NSL1: variants seen among roughly 807,000 people sequenced by gnomAD.
The protein encoded by NSL1 is kinetochore-associated protein NSL1 homolog.
NSL1 carries 11 observed loss-of-function variants against 25.4 expected under a neutral mutation model. That is an observed-to-expected ratio of 0.43 (90% confidence interval 0.27 to 0.72). NSL1 has a LOEUF of 0.72. NSL1 is among the 30% of genes least tolerant of loss of function. NSL1 has a pLI of 0.19. For synonymous variants in NSL1, 118 were observed against 120.6 expected (o/e 0.98, Z 0.14); for missense variants, 330 against 342.7 (o/e 0.96, Z 0.29).
chr1:212,727,762 A>G lies in NSL1; in HGVS notation c.*10646T>C, dbSNP rs986273173. 2 of 984,150 alleles carry G rather than the reference A, an allele frequency of 2.0e-6. No homozygotes were observed. The highest frequency in any genetic ancestry group is 1.2e-4 in the Admixed American group (2 of 16,278). 61.0% of individuals were successfully genotyped at this position (984,150 alleles called of 1,614,324 possible). On this transcript the variant is annotated 3_prime_UTR_variant, in exon 6 of 6. Transcript: ENST00000366977. ...ACAGCAAAAGTTCATATTTAACCTC[A>G]TTAAGATAATAAATTGCTTTAAACA...
chr1:212,782,133 G>C, intron 4 of NSL1: 1 of 706,360 alleles, frequency 1.4e-6, no homozygotes, highest in Non-Finnish European at 2.7e-6. Flanking sequence ...AATAGTCTGG[G>C]TCAGGCAAGA....
chr1:212,749,642 C>A (rs1027734298), intron 4 of NSL1, among the ~76,000 whole-genome samples: 1 of 151,998 alleles, frequency 6.6e-6, no homozygotes, highest in Non-Finnish European at 1.5e-5. Flanking sequence ...ATTTGTGAAG[C>A]CTCTCACTAG....
At position 212,727,126 on chromosome 1, in the gene NSL1, C is replaced by A. The variant is rs764288436; in HGVS notation, c.*11282G>T. On this transcript the variant is annotated 3_prime_UTR_variant, in exon 6 of 6. Coordinates refer to ENST00000366977, the MANE Select transcript of NSL1 (RefSeq NM_015471.4). ...CAGAGGCAGAAGGGATGAAGGTTCC[C>A]CGATCCCCTTCTCTCCTAAACTGCC... 1 of 1,569,950 alleles carries A rather than the reference C, an allele frequency of 6.4e-7. No individual in the cohort carries two copies. The highest frequency in any genetic ancestry group is 8.6e-7 in the Non-Finnish European group (1 of 1,157,918).
chr1:212,786,689 T>G (rs1475601654), intron 2 of NSL1, among the ~76,000 whole-genome samples: 3 of 150,624 alleles, frequency 2.0e-5, no homozygotes, highest in African/African-American at 7.3e-5. Context: ...GCACCTGTGA[T>G]TCCAGCTACT....
At chr1:212,755,774 T>C (rs1279358437) in intron 4 of NSL1, among the ~76,000 whole-genome samples, 2 of 151,218 alleles carry the variant, frequency 1.3e-5, no homozygotes, top group Non-Finnish European at 2.9e-5. Flanking sequence ...TATATATCTA[T>C]ATGTAATTAT....
chr1:212,781,560 A>G (rs1168862629), intron 4 of NSL1, among the ~76,000 whole-genome samples: 1 of 152,162 alleles, frequency 6.6e-6, no homozygotes, highest in Non-Finnish European at 1.5e-5. Context: ...AGTTTATCCC[A>G]TTAGCTTAGG....
intron 2 of NSL1, among the ~76,000 whole-genome samples, chr1:212,785,340 T>C (rs1427138378): frequency 6.6e-6 from 1 of 151,926 alleles, no homozygotes; most frequent in African/African-American, 2.4e-5. Context: ...ATGTTAGGAG[T>C]ACAGATTTTT....
In NSL1 at chr1:212,773,050, G is replaced by C. The variant is rs755126381; in HGVS notation, c.499+9322C>G. ...ATCATAGAAAAATCAGCTCAAGACGGATTAATGACTTAAACATAATACCCA... is the reference window on the plus strand; with the variant it reads ...ATCATAGAAAAATCAGCTCAAGACGCATTAATGACTTAAACATAATACCCA... On this transcript the variant is annotated intron_variant, in intron 4 of 5. Transcript: ENST00000366977. 3.9e-5 allele frequency among the ~76,000 whole-genome samples: 6 copies of C among 152,156 alleles called. No homozygotes were observed. In the South Asian group the frequency reaches 1.2e-3, roughly 32 times the overall value.
intron 4 of NSL1, among the ~76,000 whole-genome samples, chr1:212,746,042 C>T (rs567886694): frequency 1.3e-5 from 2 of 152,302 alleles, no homozygotes; most frequent in South Asian, 2.1e-4. Flanking sequence ...TACGAAACTG[C>T]TAACAGTGTT....
chr1:212,788,065 G>A (rs1164577231), intron 1 of NSL1, among the ~76,000 whole-genome samples: 1 of 152,182 alleles, frequency 6.6e-6, no homozygotes, highest in Admixed American at 6.5e-5. Context: ...GTATTTTTGA[G>A]AGATGAACAC....
chr1:212,775,207 A>G (rs1171172518), intron 4 of NSL1, among the ~76,000 whole-genome samples: 2 of 152,238 alleles, frequency 1.3e-5, no homozygotes, highest in Non-Finnish European at 2.9e-5. Context: ...GTCTATAGAG[A>G]TAGAAAGTAC....
At chr1:212,784,742 ACTCT>A (rs578152719) in intron 2 of NSL1, among the ~76,000 whole-genome samples, 42 of 152,190 alleles carry the variant, frequency 2.8e-4, no homozygotes, top group Non-Finnish European at 6.0e-4. Flanking sequence ...CATGATTCCT[ACTCT>A]CTAAGAGTTC....
chr1:212,782,651 C>T (rs1332076264), intron 3 of NSL1, among the ~76,000 whole-genome samples: 1 of 152,012 alleles, frequency 6.6e-6, no homozygotes, highest in Non-Finnish European at 1.5e-5. Flanking sequence ...TAAGAAGTGG[C>T]ACCATAAAAA....
In NSL1 at chr1:212,730,369, C is replaced by CA. The variant is rs1657969127; in HGVS notation, c.*8038dup. The CA allele has an allele frequency of 2.0e-6, 2 of 984,646 alleles. No individual in the cohort carries two copies. The allele number at this position is 984,646 out of a possible 1,614,324, so 61.0% of individuals were successfully genotyped here. A position where few individuals can be genotyped will look rare whatever the true frequency, so the allele number is the denominator to read the frequency against. ...GGGGCAGAAATGGACAAAAGAACTC[C>CA]AATGACATCATTGTAGAAGATGTGG... On this transcript the variant is annotated 3_prime_UTR_variant, in exon 6 of 6. Transcript: ENST00000366977.
chr1:212,774,178 G>A (rs10863997), intron 4 of NSL1, among the ~76,000 whole-genome samples: 27,212 of 152,012 alleles, frequency 0.18, 2,758 homozygotes, highest in African/African-American at 0.28. Flanking sequence ...GTGCTTGATA[G>A]CACAGTAAGG....
Position 212,791,526 on chromosome 1 carries a change from G to A in NSL1, c.234+4C>T. 6.2e-7 allele frequency: 1 copy of A among 1,611,682 alleles called. No individual in the cohort carries two copies. Among genetic ancestry groups the A allele is most frequent in the Non-Finnish European group, 8.5e-7 (1 of 1,178,520 alleles). The stretch of plus-strand genomic sequence containing the variant: ...AGTAAAGAACTGGCTAACTGGTCCC[G>A]TACCCACTGCGCATCTCGCAGAGCG... On this transcript the variant is annotated splice_donor_region_variant and intron_variant, in intron 1 of 5. Coordinates refer to ENST00000366977, the MANE Select transcript of NSL1 (RefSeq NM_015471.4).
In NSL1 at chr1:212,729,751, T is replaced by C; in HGVS notation, c.*8657A>G. The C allele has an allele frequency of 3.0e-6, 3 of 985,386 alleles. No homozygotes were observed. Among genetic ancestry groups the C allele is most frequent in the Non-Finnish European group, 2.4e-6 (2 of 829,906 alleles). 61.0% of individuals were successfully genotyped at this position (985,386 alleles called of 1,614,324 possible). A position where few individuals can be genotyped will look rare whatever the true frequency, so the allele number is the denominator to read the frequency against. ...CTCTTTTCCTTTTTCCTATCCGCTC[T>C]TCTGGTGGAGATGCTCGGCTATAAA... is the stretch of plus-strand genomic sequence containing the variant. On this transcript the variant is annotated 3_prime_UTR_variant, in exon 6 of 6. Transcript: ENST00000366977.
rs1254403770 is a variant in NSL1, at chr1:212,729,783, CA to C, written c.*8624del. The C allele has an allele frequency of 8.1e-6, 8 of 985,116 alleles. No individual in the cohort carries two copies. Among genetic ancestry groups the C allele is most frequent in the Non-Finnish European group, 9.6e-6 (8 of 829,894 alleles). 61.0% of individuals were successfully genotyped at this position (985,116 alleles called of 1,614,324 possible). A position where few individuals can be genotyped will look rare whatever the true frequency, so the allele number is the denominator to read the frequency against. ...GGAGATGCTCGGCTATAAAACGGCT[CA>C]AAAGAACAGCTAGAACATGGAAAAA... is the stretch of plus-strand genomic sequence containing the variant. On this transcript the variant is annotated 3_prime_UTR_variant, in exon 6 of 6. Transcript: ENST00000366977.
intron 4 of NSL1, among the ~76,000 whole-genome samples, chr1:212,770,403 A>C (rs1045196991): frequency 6.6e-6 from 1 of 152,206 alleles, no homozygotes; most frequent in Non-Finnish European, 1.5e-5. Flanking sequence ...ATACACTAAC[A>C]AACTGAAAAG....
Sources: gnomAD v4.1 joint callset for allele counts (sites outside exome capture counted in the v4.1 genomes callset) on GRCh38, gnomAD v4.1.1 for gene constraint, MANE v1.5 for transcripts, NCBI Gene and HGNC (gene_info 2026-07-23, HGNC 2026-07-21) for gene names.